Variants in KANSL1 observed in about 807,000 individuals in gnomAD.
KANSL1 encodes MLL1/MLL complex subunit KANSL1.
A neutral mutation model predicts 103.6 loss-of-function variants in KANSL1; 22 were observed. The ratio of observed to expected loss-of-function variants is 0.21; its 90% confidence interval spans 0.15 to 0.30. The LOEUF (loss-of-function observed/expected upper bound fraction) is 0.30. Among genes scored for constraint, KANSL1 ranks in the 10% least tolerant of loss-of-function variants. The pLI, the probability that KANSL1 is intolerant of heterozygous loss-of-function variation, is 1.00. For missense variants in KANSL1, 1,337 were observed against 1,399.8 expected (o/e 0.96, Z 0.72); for synonymous variants, 600 against 527.6 (o/e 1.14, Z -1.88).
chr17:46,146,832 C>CAA (rs1023164178), intron 2 of KANSL1, among the ~76,000 whole-genome samples: 771 of 36,048 alleles, frequency 0.021, 25 homozygotes, highest in African/African-American at 0.041. Context: ...GACTCCGTCT[C>CAA]AAAAAAAAAA....
chr17:46,038,593 G>A lies in KANSL1; in HGVS notation c.2486C>T (p.Ser829Phe). ...HSPLVRQLST[S>F]SDSPAPASSS... ...GCTGGCGGGTGCAGGGGAATCTGAGGAGGTGGAGAGCTGTCGCACCAAGGG... is the reference window on the plus strand; with the variant it reads ...GCTGGCGGGTGCAGGGGAATCTGAGAAGGTGGAGAGCTGTCGCACCAAGGG... The change falls in exon 10 of 15, where the codon TCC becomes TTC. Residue 829 changes from serine to phenylalanine, a missense_variant. Ser to Phe is a radical substitution (Grantham distance 155). This residue lies in a region of KANSL1 where 780 missense variants were observed against 923.4 expected (regional missense o/e 0.84). Coordinates refer to ENST00000432791, the MANE Select transcript of KANSL1 (RefSeq NM_015443.4). 1 of 1,614,178 alleles carries A rather than the reference G, an allele frequency of 6.2e-7. No homozygotes were observed. The highest frequency in any genetic ancestry group is 1.3e-5 in the African/African-American group (1 of 75,042).
chr17:46,094,779 T>C, intron 2 of KANSL1, 78 bp from the exon 3 acceptor site: 1 of 1,568,186 alleles, frequency 6.4e-7, no homozygotes, highest in Non-Finnish European at 8.7e-7. Context: ...GAGTGGAATT[T>C]AACTTTTAAA....
rs201824489 is a variant in KANSL1, at chr17:46,032,004, T to C, written c.3090+43A>G. The C allele has an allele frequency of 5.0e-5, 80 of 1,612,312 alleles. No homozygotes were observed. The African/African-American group carries it at 9.5e-4, about 19-fold the overall frequency. On this transcript the variant is annotated intron_variant, in intron 14 of 14. Transcript: ENST00000432791. ...CAGATGCTGCCCCTTCCTGGTTCCA[T>C]CCCCCAACCATGCCAACCCCACCCA... is the stretch of plus-strand genomic sequence containing the variant.
chr17:46,073,990 T>C (rs938523039), intron 4 of KANSL1, among the ~76,000 whole-genome samples: 1 of 152,084 alleles, frequency 6.6e-6, no homozygotes, highest in African/African-American at 2.4e-5. Flanking sequence ...GATACAGAAA[T>C]ATAGATGTGT....
chr17:46,172,071 G>C lies in KANSL1; in HGVS notation c.73C>G (p.Pro25Ala), dbSNP rs778091394. The change falls in exon 2 of 15, where the codon CCA (proline) becomes GCA (alanine). Residue 25 changes from proline (P) to alanine (A), a missense_variant. By Grantham distance (27) the Pro-to-Ala change is conservative. Coordinates refer to ENST00000432791, the MANE Select transcript of KANSL1 (RefSeq NM_015443.4). ...AHHIRFKLAP[P>A]SSTLSPGSAE... The stretch of plus-strand genomic sequence containing the variant: ...CTGCCAGGGGACAAGGTAGAGGATG[G>C]GGGAGCCAGTTTGAACCGGATATGG... 13 of 1,613,868 alleles carry C rather than the reference G, an allele frequency of 8.1e-6. No individual in the cohort carries two copies. The highest frequency in any genetic ancestry group is 3.3e-5 in the South Asian group (3 of 91,082).
At chr17:46,120,714 C>T (rs62061854) in intron 2 of KANSL1, among the ~76,000 whole-genome samples, 21,622 of 151,842 alleles carry the variant, frequency 0.14, 2,120 homozygotes, top group Non-Finnish European at 0.22. Context: ...TTCCTTTGCA[C>T]ATTTATTATA....
intron 2 of KANSL1, chr17:46,153,076 AGCTATGAAGCCTCT>A (rs1421353966): frequency 6.6e-6 from 1 of 152,270 alleles, no homozygotes; most frequent in African/African-American, 2.4e-5. Flanking sequence ...CCATGCTCCT[AGCTATGAAGCCTCT>A]GTGGCTTGAC....
intron 6 of KANSL1, among the ~76,000 whole-genome samples, chr17:46,054,545 A>G (rs777351055): frequency 6.6e-6 from 1 of 152,190 alleles, no homozygotes; most frequent in Non-Finnish European, 1.5e-5. Flanking sequence ...AATCTCAATC[A>G]CATCATACCA....
chr17:46,192,935 C>G lies in KANSL1; in HGVS notation c.-202G>C, dbSNP rs1030682822. ...GCCAGCGGCGGGCGGGGGCGCGCGA[C>G]GGCGGCTCCGGCCCGGGCCCGCCGC... On this transcript the variant is annotated 5_prime_UTR_variant, in exon 1 of 15. Transcript: ENST00000432791. 1.3e-5 allele frequency: 2 copies of G among 150,446 alleles called. No individual in the cohort carries two copies. Among genetic ancestry groups the G allele is most frequent in the Non-Finnish European group, 3.0e-5 (2 of 67,352 alleles). 9.3% of individuals were successfully genotyped at this position (150,446 alleles called of 1,614,324 possible).
chr17:46,069,070 C>G (rs1042827468), intron 4 of KANSL1, among the ~76,000 whole-genome samples: 2 of 152,134 alleles, frequency 1.3e-5, no homozygotes, highest in African/African-American at 4.8e-5. Flanking sequence ...GGATTACAGG[C>G]ACACACTACC....
intron 1 of KANSL1, among the ~76,000 whole-genome samples, chr17:46,191,952 A>G (rs2047351577): frequency 7.7e-6 from 1 of 130,184 alleles, no homozygotes; most frequent in Non-Finnish European, 1.6e-5. Context: ...CCTCAAGTAC[A>G]GTTTTATTAA....
At chr17:46,200,280 A>C (rs1376521877) in intron 1 of KANSL1, among the ~76,000 whole-genome samples, 2 of 152,248 alleles carry the variant, frequency 1.3e-5, no homozygotes, top group African/African-American at 4.8e-5. Context: ...AAATGTACCA[A>C]GAAACTACCT....
intron 12 of KANSL1, 93 bp from the exon 13 acceptor site, chr17:46,033,285 A>T (rs2077061140): frequency 4.9e-6 from 7 of 1,436,632 alleles, no homozygotes; most frequent in Non-Finnish European, 5.8e-6. Flanking sequence ...CACGACAGGA[A>T]TACAAGGAGC....
chr17:46,047,808 A>AC (rs200788695), intron 7 of KANSL1, among the ~76,000 whole-genome samples: 76 of 135,222 alleles, frequency 5.6e-4, no homozygotes, highest in Admixed American at 8.3e-4. Context: ...AAATTAAAAA[A>AC]AAAAAAAAAA....
chr17:46,075,526 G>A (rs949411751), intron 4 of KANSL1, among the ~76,000 whole-genome samples: 7 of 152,012 alleles, frequency 4.6e-5, no homozygotes, highest in Non-Finnish European at 8.8e-5. Context: ...TAGTAGAGAC[G>A]GGGTTTCACC....
In KANSL1 at chr17:46,031,235, C is replaced by T. The variant is rs1459806070; in HGVS notation, c.*241G>A. 1 of 585,160 alleles carries T rather than the reference C, an allele frequency of 1.7e-6. No individual in the cohort carries two copies. The highest frequency in any genetic ancestry group is 1.9e-5 in the African/African-American group (1 of 53,666). 36.2% of individuals were successfully genotyped at this position (585,160 alleles called of 1,614,324 possible). A position where few individuals can be genotyped will look rare whatever the true frequency, so the allele number is the denominator to read the frequency against. ...TGCCAGGACCAGGCCAGCAGGGTCT[C>T]ATCCTGAACTTCTGTTTGCCAACGG... On this transcript the variant is annotated 3_prime_UTR_variant, in exon 15 of 15. Transcript: ENST00000432791.
intron 2 of KANSL1, among the ~76,000 whole-genome samples, chr17:46,105,902 CCTTG>C (rs1429853338): frequency 2.7e-4 from 29 of 106,360 alleles, no homozygotes; most frequent in Non-Finnish European, 3.9e-4. Context: ...CAGAGCAAGG[CCTTG>C]ACACACACAC....
chr17:46,207,494 G>C (rs1401451738), intron 1 of KANSL1, among the ~76,000 whole-genome samples: 2 of 148,756 alleles, frequency 1.3e-5, no homozygotes, highest in East Asian at 4.0e-4. Flanking sequence ...GGGTGACAGA[G>C]CAAGACTCCA....
chr17:46,196,251 A>T (rs1359829929), upstream of KANSL1: 1 of 444,856 alleles, frequency 2.2e-6, no homozygotes, highest in Non-Finnish European at 4.5e-6. Flanking sequence ...GAAAAGTGAT[A>T]AAAAAATAAA....
Sources: gnomAD v4.1 joint callset for allele counts (sites outside exome capture counted in the v4.1 genomes callset) on GRCh38, gnomAD v4.1.1 for gene constraint, gnomAD v4.1.1 regional missense constraint, MANE v1.5 for transcripts, NCBI Gene and HGNC (gene_info 2026-07-23, HGNC 2026-07-21) for gene names.